RPS6KC1: variants seen among roughly 807,000 people sequenced by gnomAD.
RPS6KC1 encodes inactive ribosomal protein S6 kinase delta-1.
RPS6KC1 carries 54 observed loss-of-function variants against 103.8 expected under a neutral mutation model. That is an observed-to-expected ratio of 0.52 (90% confidence interval 0.42 to 0.65). The LOEUF (loss-of-function observed/expected upper bound fraction) is 0.65. Among genes scored for constraint, RPS6KC1 ranks in the 30% least tolerant of loss-of-function variants. RPS6KC1 has a pLI of 0.00. For missense variants in RPS6KC1, 1,151 were observed against 1,253.8 expected (o/e 0.92, Z 1.24); for synonymous variants, 439 against 438.7 (o/e 1.00, Z -0.01).
chr1:213,538,672 T>C, the RPS6KC1 span, among the ~76,000 whole-genome samples: 1 of 152,076 alleles, frequency 6.6e-6, no homozygotes, highest in Non-Finnish European at 1.5e-5. Flanking sequence ...GAGTTTGTTT[T>C]GAGGAGGGGC....
At chr1:213,205,316 G>A (rs2148616927) in intron 8 of RPS6KC1, 2 of 984,720 alleles carry the variant, frequency 2.0e-6, no homozygotes, top group Non-Finnish European at 2.4e-6. Flanking sequence ...AGGACAGCAA[G>A]CTAGATAAAG....
the RPS6KC1 span, among the ~76,000 whole-genome samples, chr1:213,529,174 G>A: frequency 5.3e-5 from 8 of 151,892 alleles, no homozygotes; most frequent in South Asian, 2.1e-4. Flanking sequence ...AATGGGAAGC[G>A]CACAGTGCTT....
chr1:213,826,782 G>A, the RPS6KC1 span, among the ~76,000 whole-genome samples: 1 of 152,160 alleles, frequency 6.6e-6, no homozygotes, highest in East Asian at 1.9e-4. Flanking sequence ...AGGGGGGGAA[G>A]TACTATTATT....
At chr1:213,217,584 G>T (rs1354225796) in intron 8 of RPS6KC1, among the ~76,000 whole-genome samples, 1 of 152,190 alleles carries the variant, frequency 6.6e-6, no homozygotes, top group Non-Finnish European at 1.5e-5. Flanking sequence ...GAGAATTTTA[G>T]ACCAATAACC....
the RPS6KC1 span, among the ~76,000 whole-genome samples, chr1:213,518,349 C>G: frequency 6.6e-6 from 1 of 152,154 alleles, no homozygotes; most frequent in African/African-American, 2.4e-5. Flanking sequence ...TAACAATCAT[C>G]TTCATAAGAG....
At chr1:213,553,205 T>C in the RPS6KC1 span, among the ~76,000 whole-genome samples, 3 of 152,242 alleles carry the variant, frequency 2.0e-5, no homozygotes, top group Admixed American at 1.3e-4. Flanking sequence ...TGCTCCCTTT[T>C]TTGTGTCCAT....
chr1:213,474,081 C>T, the RPS6KC1 span, among the ~76,000 whole-genome samples: 6 of 152,300 alleles, frequency 3.9e-5, no homozygotes, highest in East Asian at 5.8e-4. Context: ...TTCTAGGCTG[C>T]GATTTCCTCT....
At chr1:213,284,009 T>C in the RPS6KC1 span, among the ~76,000 whole-genome samples, 1 of 151,938 alleles carries the variant, frequency 6.6e-6, no homozygotes, top group Non-Finnish European at 1.5e-5. Flanking sequence ...AGGAACAGAA[T>C]AATACCTTTA....
chr1:213,666,945 T>C, the RPS6KC1 span, among the ~76,000 whole-genome samples: 5 of 152,210 alleles, frequency 3.3e-5, no homozygotes, highest in East Asian at 5.8e-4. Context: ...TCGTGAGTGA[T>C]GGGAAGAGAA....
At chr1:213,113,215 C>T (rs1164956055) in intron 4 of RPS6KC1, among the ~76,000 whole-genome samples, 1 of 151,472 alleles carries the variant, frequency 6.6e-6, no homozygotes, top group Non-Finnish European at 1.5e-5. Flanking sequence ...CACATCCTCT[C>T]CAGCACCTGT....
chr1:213,190,918 G>T (rs1208146342), intron 8 of RPS6KC1, among the ~76,000 whole-genome samples: 1 of 152,116 alleles, frequency 6.6e-6, no homozygotes, highest in African/African-American at 2.4e-5. Flanking sequence ...TTTCCCCAGT[G>T]TATTTTCTTG....
the RPS6KC1 span, among the ~76,000 whole-genome samples, chr1:213,701,494 T>A: frequency 1.3e-5 from 2 of 151,760 alleles, no homozygotes; most frequent in African/African-American, 2.4e-5. Context: ...TATTCAAGTA[T>A]TAGTTCTTTA....
the RPS6KC1 span, among the ~76,000 whole-genome samples, chr1:213,813,658 C>T: frequency 6.6e-6 from 1 of 152,150 alleles, no homozygotes; most frequent in African/African-American, 2.4e-5. Context: ...CTTTAGAAAA[C>T]TCCCAAAGGC....
the RPS6KC1 span, among the ~76,000 whole-genome samples, chr1:213,431,509 A>T: frequency 6.6e-6 from 1 of 152,136 alleles, no homozygotes; most frequent in Non-Finnish European, 1.5e-5. Context: ...TTCTATTGCC[A>T]TTAATTCATT....
chr1:213,247,044 C>A (rs1478661244), intron 12 of RPS6KC1, among the ~76,000 whole-genome samples: 1 of 152,140 alleles, frequency 6.6e-6, no homozygotes, highest in Non-Finnish European at 1.5e-5. Flanking sequence ...AGTGTGTGTC[C>A]TTCACTTTTA....
the RPS6KC1 span, among the ~76,000 whole-genome samples, chr1:213,437,257 A>T: frequency 1.3e-5 from 2 of 151,988 alleles, no homozygotes; most frequent in Non-Finnish European, 2.9e-5. Flanking sequence ...TTCTGCATCT[A>T]TTGAAATGGT....
chr1:213,279,066 A>G (rs2095117991), downstream of RPS6KC1, among the ~76,000 whole-genome samples: 1 of 152,104 alleles, frequency 6.6e-6, no homozygotes, highest in South Asian at 2.1e-4. Flanking sequence ...CCATGCTGAG[A>G]CATTTGGACT....
At chr1:213,416,171 A>G in the RPS6KC1 span, among the ~76,000 whole-genome samples, 3 of 152,330 alleles carry the variant, frequency 2.0e-5, no homozygotes, top group Admixed American at 1.3e-4. Flanking sequence ...TGAGGGGAAG[A>G]ATGCTGAAGA....
rs76797437 is a variant in RPS6KC1, at chr1:213,199,699, A to G, written c.1044+23207A>G. Among the ~76,000 whole-genome samples, 640 of 152,268 alleles carry G rather than the reference A, an allele frequency of 4.2e-3. 2 individuals are homozygous for G. The highest frequency in any genetic ancestry group is 0.015 in the African/African-American group (604 of 41,562). On this transcript the variant is annotated intron_variant, in intron 8 of 14. Transcript: ENST00000366960. Reference sequence around the variant, plus strand: ...GGGCATTCAAATAGGAAGGGAGTCAAATTATCCCTGTTTGCACAGTGCTAT... The same window carrying G: ...GGGCATTCAAATAGGAAGGGAGTCAGATTATCCCTGTTTGCACAGTGCTAT...
Sources: allele counts gnomAD v4.1 joint callset (sites outside exome capture counted in the v4.1 genomes callset), GRCh38; gene constraint gnomAD v4.1.1; transcripts MANE v1.5; gene names NCBI Gene and HGNC (gene_info 2026-07-23, HGNC 2026-07-21).